RGS20: variants seen among roughly 807,000 people sequenced by gnomAD.
The protein encoded by RGS20 is gz-selective GTPase-activating protein.
In RGS20, 30 loss-of-function variants were observed where a neutral mutation model predicts 33.6. That is an observed-to-expected ratio of 0.89 (90% confidence interval 0.67 to 1.21). The LOEUF (loss-of-function observed/expected upper bound fraction) is 1.21. RGS20 is among the 50% of genes most tolerant of loss of function. The probability of loss-of-function intolerance (pLI) is 0.00; values close to 1 mark genes in which losing one functional copy is unlikely to be tolerated. For missense variants in RGS20, 472 were observed against 502.4 expected, an observed-to-expected ratio of 0.94 and a Z score of 0.58; for synonymous variants, 208 against 197.9, an observed-to-expected ratio of 1.05 and a Z score of -0.43.
At chr8:53,932,954 A>G (rs1261122639) in intron 2 of RGS20, among the ~76,000 whole-genome samples, 2 of 152,194 alleles carry the variant, frequency 1.3e-5, no homozygotes, top group South Asian at 2.1e-4. Flanking sequence ...AGCCTTTGCT[A>G]GTGATACCCT....
At chr8:53,942,071 C>T (rs1200040834) in intron 3 of RGS20, among the ~76,000 whole-genome samples, 2 of 152,066 alleles carry the variant, frequency 1.3e-5, no homozygotes, top group African/African-American at 2.4e-5. Flanking sequence ...GTCGGGAGTT[C>T]GAGACCAGCC....
At chr8:53,870,072 G>A (rs937588431) in intron 1 of RGS20, among the ~76,000 whole-genome samples, 2 of 152,088 alleles carry the variant, frequency 1.3e-5, no homozygotes, top group African/African-American at 2.4e-5. Context: ...TAAAAAAAAT[G>A]GATTCTGTGT....
chr8:53,867,914 G>A (rs1368655651), intron 1 of RGS20, among the ~76,000 whole-genome samples: 2 of 151,994 alleles, frequency 1.3e-5, no homozygotes, highest in African/African-American at 2.4e-5. Flanking sequence ...TTGTAGAGCC[G>A]GGGTTTTGCC....
At chr8:53,882,755 C>G (rs1812429193) in intron 2 of RGS20, among the ~76,000 whole-genome samples, 1 of 152,176 alleles carries the variant, frequency 6.6e-6, no homozygotes, top group Admixed American at 6.5e-5. Context: ...TTGGTGCCCT[C>G]GGTGCCAGCA....
intron 2 of RGS20, among the ~76,000 whole-genome samples, chr8:53,888,292 G>C (rs1812605766): frequency 6.6e-6 from 1 of 152,176 alleles, no homozygotes; most frequent in African/African-American, 2.4e-5. Flanking sequence ...TTCTGTGTTT[G>C]TTAGGTTTCA....
At chr8:53,926,786 C>T (rs549591332) in intron 2 of RGS20, among the ~76,000 whole-genome samples, 4 of 152,120 alleles carry the variant, frequency 2.6e-5, no homozygotes, top group Admixed American at 2.6e-4. Context: ...GTGGTGGGCG[C>T]CTGTAATCCC....
intron 2 of RGS20, among the ~76,000 whole-genome samples, chr8:53,897,214 C>T (rs16919650): frequency 1.3e-5 from 2 of 152,206 alleles, no homozygotes; most frequent in South Asian, 4.1e-4. Context: ...TGGAGAGGAA[C>T]TTCTTCAGCA....
At chr8:53,946,310 G>A (rs1388535950) in intron 3 of RGS20, among the ~76,000 whole-genome samples, 1 of 152,058 alleles carries the variant, frequency 6.6e-6, no homozygotes, top group Non-Finnish European at 1.5e-5. Flanking sequence ...TGATCCTCCT[G>A]CCTTGGCCTC....
chr8:53,872,406 T>C (rs1812096857), intron 1 of RGS20, among the ~76,000 whole-genome samples: 1 of 152,152 alleles, frequency 6.6e-6, no homozygotes, highest in South Asian at 2.1e-4. Flanking sequence ...ATGATTTGGT[T>C]GCCCTTATTC....
At chr8:53,943,202 C>A (rs56338526) in intron 3 of RGS20, among the ~76,000 whole-genome samples, 3,980 of 152,136 alleles carry the variant, frequency 0.026, 75 homozygotes, top group Non-Finnish European at 0.041. Flanking sequence ...AAGTACACAG[C>A]AAACTTCAAC....
At chr8:53,933,519 G>A (rs550062997) in intron 2 of RGS20, among the ~76,000 whole-genome samples, 1 of 152,238 alleles carries the variant, frequency 6.6e-6, no homozygotes, top group East Asian at 1.9e-4. Context: ...AGAGATTGAA[G>A]ATCAACTTAA....
At chr8:53,883,286 AGCTGGG>A (rs1346904692) in intron 2 of RGS20, among the ~76,000 whole-genome samples, 12 of 151,594 alleles carry the variant, frequency 7.9e-5, no homozygotes, top group African/African-American at 2.9e-4. Context: ...CCTCCCAAGT[AGCTGGG>A]GCTGGGATTA....
rs761091721 is a variant in RGS20 at position 53,939,592 on chromosome 8, G to A, written c.527G>A (p.Arg176Gln). ...CTCTTGCAGCAGATGGGATCAGAGC[G>A]GATGGAGATGCGGAAGCGGCAGATG... Residue 176 changes from arginine (R) to glutamine (Q), a missense_variant, in exon 3 of 6, where the codon CGG becomes CAG. This residue lies in a region of RGS20 where 319 missense variants were observed against 283.4 expected (regional missense o/e 1.13). Transcript: ENST00000297313. The A allele has an allele frequency of 6.2e-7, 1 of 1,601,384 alleles. No homozygotes were observed. The highest frequency in any genetic ancestry group is 8.5e-7 in the Non-Finnish European group (1 of 1,174,472).
intron 5 of RGS20, among the ~76,000 whole-genome samples, chr8:53,956,611 A>G (rs1370574387): frequency 2.0e-5 from 3 of 152,184 alleles, no homozygotes; most frequent in African/African-American, 7.2e-5. Context: ...TAGGCAGACC[A>G]GGTGGTGGGG....
intron 1 of RGS20, among the ~76,000 whole-genome samples, chr8:53,870,634 G>A (rs1812040775): frequency 6.6e-6 from 1 of 151,782 alleles, no homozygotes; most frequent in South Asian, 2.1e-4. Context: ...AATTTTCTAG[G>A]CTTTCCTCCT....
intron 1 of RGS20, among the ~76,000 whole-genome samples, chr8:53,874,367 G>GTGT (rs1812145290): frequency 6.8e-6 from 1 of 146,484 alleles, no homozygotes; most frequent in Non-Finnish European, 1.5e-5. Context: ...AGCAATAAGG[G>GTGT]GTGTGTGTGT....
intron 2 of RGS20, 117 bp downstream of exon 1, chr8:53,881,201 C>A: frequency 4.2e-6 from 3 of 709,142 alleles, no homozygotes; most frequent in Middle Eastern, 4.2e-4. Context: ...CTCAGGGTGT[C>A]GCCGTTGCTG....
chr8:53,939,825 T>A, intron 3 of RGS20, 101 bp downstream of exon 2: 1 of 1,352,516 alleles, frequency 7.4e-7, no homozygotes, highest in Non-Finnish European at 9.9e-7. Flanking sequence ...AGCTTATGGT[T>A]AATTCAATAA....
intron 4 of RGS20, among the ~76,000 whole-genome samples, chr8:53,952,232 C>A (rs1323400719): frequency 7.2e-6 from 1 of 139,286 alleles, no homozygotes; most frequent in Non-Finnish European, 1.5e-5. Flanking sequence ...CACATGCCAC[C>A]ATGCCCAGCT....
Sources: gnomAD v4.1 joint callset for allele counts (sites outside exome capture counted in the v4.1 genomes callset) on GRCh38, gnomAD v4.1.1 for gene constraint, gnomAD v4.1.1 regional missense constraint, MANE v1.5 for transcripts, NCBI Gene and HGNC (gene_info 2026-07-23, HGNC 2026-07-21) for gene names.